ZNF704: variants seen among roughly 807,000 people sequenced by gnomAD.
ZNF704 encodes zinc finger protein 704.
A neutral mutation model predicts 44.7 loss-of-function variants in ZNF704; 10 were observed. The observed-to-expected ratio is 0.22, with a 90% CI of 0.14 to 0.38. The LOEUF (loss-of-function observed/expected upper bound fraction) is 0.38. ZNF704 is among the 10% of genes least tolerant of loss of function. ZNF704 has a pLI of 1.00. For missense variants in ZNF704, 390 were observed against 545.5 expected, an observed-to-expected ratio of 0.71 and a Z score of 2.84; for synonymous variants, 211 against 207.6, an observed-to-expected ratio of 1.02 and a Z score of -0.14.
rs1817683328 is a variant in ZNF704, at chr8:80,637,655, T to C, written c.*3711A>G. The C allele has an allele frequency of 6.6e-6, 1 of 152,016 alleles. No homozygotes were observed. The highest frequency in any genetic ancestry group is 1.5e-5 in the Non-Finnish European group (1 of 67,950). The allele number at this position is 152,016 out of a possible 1,614,324, so 9.4% of individuals were successfully genotyped here. ...AGAAAGGTCAAGAATTGTGTCATTC[T>C]CTATTGAAAATTTTCATCTGCAATA... On this transcript the variant is annotated 3_prime_UTR_variant, in exon 9 of 9. Transcript: ENST00000327835.
intron 1 of ZNF704, among the ~76,000 whole-genome samples, chr8:80,839,788 T>C (rs1210737720): frequency 3.3e-5 from 5 of 151,620 alleles, no homozygotes; most frequent in Non-Finnish European, 5.9e-5. Context: ...CTCCTGATCC[T>C]TCCTGCCTGT....
At chr8:80,683,997 T>A (rs1236568956) in intron 4 of ZNF704, among the ~76,000 whole-genome samples, 2 of 152,102 alleles carry the variant, frequency 1.3e-5, no homozygotes, top group African/African-American at 2.4e-5. Context: ...TTGTTTAGAG[T>A]CCTCAAATGT....
chr8:80,875,484 C>T (rs998262114), upstream of ZNF704, among the ~76,000 whole-genome samples: 17 of 151,922 alleles, frequency 1.1e-4, no homozygotes, highest in South Asian at 6.2e-4. Flanking sequence ...TTGTATTTTT[C>T]GTAGAGACAG....
chr8:80,774,461 A>G (rs1807377042), intron 2 of ZNF704, among the ~76,000 whole-genome samples: 1 of 152,060 alleles, frequency 6.6e-6, no homozygotes, highest in Non-Finnish European at 1.5e-5. Context: ...TGGGGACAGA[A>G]GTCTAGGTTT....
intron 2 of ZNF704, among the ~76,000 whole-genome samples, chr8:80,734,583 A>C (rs1474449602): frequency 6.6e-6 from 1 of 152,236 alleles, no homozygotes; most frequent in East Asian, 1.9e-4. Context: ...CTTTAAAAGG[A>C]ATATTTTAAG....
intron 2 of ZNF704, among the ~76,000 whole-genome samples, chr8:80,788,386 C>A (rs986547466): frequency 3.3e-5 from 5 of 152,144 alleles, no homozygotes. Context: ...AACCAGTCTC[C>A]CTTTCTTTCT....
At chr8:80,773,664 G>C (rs1472175816) in intron 2 of ZNF704, among the ~76,000 whole-genome samples, 3 of 152,120 alleles carry the variant, frequency 2.0e-5, no homozygotes, top group Non-Finnish European at 4.4e-5. Flanking sequence ...GTCTTGATTT[G>C]TGATTCATTA....
chr8:80,854,525 G>A (rs909668965), intron 1 of ZNF704, among the ~76,000 whole-genome samples: 21 of 152,292 alleles, frequency 1.4e-4, no homozygotes, highest in African/African-American at 4.6e-4. Flanking sequence ...AGACTTGTAA[G>A]ATAGCAACAT....
intron 5 of ZNF704, among the ~76,000 whole-genome samples, chr8:80,666,490 T>C (rs1331582088): frequency 6.9e-6 from 1 of 145,510 alleles, no homozygotes; most frequent in Admixed American, 6.9e-5. Flanking sequence ...AGTAATGGGA[T>C]GGCTGGGTCA....
chr8:80,690,063 A>C (rs1387674783), intron 3 of ZNF704, among the ~76,000 whole-genome samples: 7 of 132,326 alleles, frequency 5.3e-5, no homozygotes, highest in African/African-American at 3.0e-4. Context: ...TTTTTCCTAA[A>C]AAAAAAAAAA....
chr8:80,834,288 A>T (rs1426069825), intron 1 of ZNF704, among the ~76,000 whole-genome samples: 1 of 152,214 alleles, frequency 6.6e-6, no homozygotes, highest in Non-Finnish European at 1.5e-5. Context: ...GTTACAAAAA[A>T]AAGTGAGTCA....
At chr8:80,802,018 AAAC>A (rs781427427) in intron 2 of ZNF704, among the ~76,000 whole-genome samples, 3 of 152,068 alleles carry the variant, frequency 2.0e-5, no homozygotes, top group Non-Finnish European at 2.9e-5. Context: ...ACAGAAACAT[AAAC>A]AACCATCAGA....
intron 2 of ZNF704, among the ~76,000 whole-genome samples, chr8:80,817,191 T>C (rs1808190055): frequency 6.6e-6 from 1 of 152,148 alleles, no homozygotes; most frequent in Non-Finnish European, 1.5e-5. Context: ...AGGGCACTTT[T>C]AATATATAAA....
At chr8:80,789,539 G>A (rs1005582723) in intron 2 of ZNF704, among the ~76,000 whole-genome samples, 6 of 152,138 alleles carry the variant, frequency 3.9e-5, no homozygotes, top group Non-Finnish European at 8.8e-5. Context: ...TTGAGGATAA[G>A]AGTTTTGAGA....
intron 1 of ZNF704, among the ~76,000 whole-genome samples, chr8:80,833,258 G>A (rs1808499425): frequency 6.6e-6 from 1 of 152,192 alleles, no homozygotes; most frequent in East Asian, 1.9e-4. Flanking sequence ...GCTGAGGCAG[G>A]AGAATCGCTT....
chr8:80,853,986 T>C (rs1388253657), intron 1 of ZNF704, among the ~76,000 whole-genome samples: 1 of 152,162 alleles, frequency 6.6e-6, no homozygotes, highest in Non-Finnish European at 1.5e-5. Context: ...GCAGATAAGA[T>C]AAAGACAGGT....
In ZNF704 at chr8:80,766,371, G is replaced by A. The variant is rs546777241; in HGVS notation, c.221+55003C>T. On this transcript the variant is annotated intron_variant, in intron 2 of 8. Coordinates refer to ENST00000327835, the MANE Select transcript of ZNF704 (RefSeq NM_001033723.3). ...ATTCTTCAGATGGGAATAATGATAC[G>A]AACACCCAGAAAGGGGCAATCTGGT... 5.3e-5 allele frequency among the ~76,000 whole-genome samples: 8 copies of A among 152,146 alleles called. No homozygotes were observed. In the South Asian group the frequency reaches 1.2e-3, roughly 24 times the overall value.
At chr8:80,756,634 T>A (rs1449516148) in intron 2 of ZNF704, among the ~76,000 whole-genome samples, 1 of 152,232 alleles carries the variant, frequency 6.6e-6, no homozygotes, top group East Asian at 1.9e-4. Context: ...AAAGAACATG[T>A]CTTATTAATG....
chr8:80,760,654 CAAAAAAA>C (rs1156753093), intron 2 of ZNF704, among the ~76,000 whole-genome samples: 1 of 59,892 alleles, frequency 1.7e-5, no homozygotes, highest in Non-Finnish European at 3.8e-5. Flanking sequence ...GACTCCATCT[CAAAAAAA>C]AAAAAAAAAA....
Sources: gnomAD v4.1 joint callset for allele counts (sites outside exome capture counted in the v4.1 genomes callset) on GRCh38, gnomAD v4.1.1 for gene constraint, MANE v1.5 for transcripts, NCBI Gene and HGNC (gene_info 2026-07-23, HGNC 2026-07-21) for gene names.